Variants in CFAP52 observed in about 807,000 individuals in gnomAD.
The protein encoded by CFAP52 is cilia- and flagella-associated protein 52.
A neutral mutation model predicts 70.5 loss-of-function variants in CFAP52; 57 were observed. The ratio of observed to expected loss-of-function variants is 0.81; its 90% CI spans 0.65 to 1.01. The LOEUF (loss-of-function observed/expected upper bound fraction) is 1.01. CFAP52 is among the 50% of genes least tolerant of loss of function. CFAP52 has a pLI of 0.00. For missense variants in CFAP52, 785 were observed against 788.5 expected (o/e 1.00, Z 0.05); for synonymous variants, 267 against 292.5 (o/e 0.91, Z 0.89).
At chr17:9,581,324 G>T (rs1432234985) in intron 1 of CFAP52, among the ~76,000 whole-genome samples, 2 of 152,142 alleles carry the variant, frequency 1.3e-5, no homozygotes, top group Non-Finnish European at 2.9e-5. Flanking sequence ...TATGTTATGT[G>T]AATTTCACTC....
chr17:9,584,383 G>A (rs780464216), intron 1 of CFAP52: 3 of 1,268,750 alleles, frequency 2.4e-6, no homozygotes, highest in South Asian at 2.6e-5. Context: ...TGGGCACTCA[G>A]AACTGAAACC....
At chr17:9,643,451 C>T (rs923303085), downstream of CFAP52, 4 of 337,118 alleles carry the variant, frequency 1.2e-5, no homozygotes, top group Admixed American at 1.9e-4. Context: ...TGTTGGTTTT[C>T]TGTTATAATT....
At chr17:9,632,590 G>A (rs1369751964) in intron 9 of CFAP52, among the ~76,000 whole-genome samples, 1 of 151,958 alleles carries the variant, frequency 6.6e-6, no homozygotes, top group Non-Finnish European at 1.5e-5. Context: ...AGATTTGAAT[G>A]TTTTTTAACA....
intron 8 of CFAP52, among the ~76,000 whole-genome samples, chr17:9,627,794 C>T (rs1910295752): frequency 6.6e-6 from 1 of 152,188 alleles, no homozygotes; most frequent in Non-Finnish European, 1.5e-5. Flanking sequence ...GATCATAGCT[C>T]AATGCAGTCT....
chr17:9,584,387 T>C (rs1908354975), intron 1 of CFAP52: 1 of 1,266,596 alleles, frequency 7.9e-7, no homozygotes. Flanking sequence ...CACTCAGAAC[T>C]GAAACCGAAA....
chr17:9,636,179 AAAAGAAAGAAAGAAAGAAAGAAAG>A (rs60584008), intron 11 of CFAP52, among the ~76,000 whole-genome samples: 38 of 99,172 alleles, frequency 3.8e-4, no homozygotes, highest in South Asian at 1.1e-3. Context: ...TGTCTCAAAA[AAAAGAAAGAAAGAAAGAAAGAAAG>A]AAAGAAAGAA....
Position 9,635,410 on chromosome 17 carries a change from G to C in CFAP52, c.1326G>C (p.Arg442Ser). 1.2e-6 allele frequency: 2 copies of C among 1,613,982 alleles called. No homozygotes were observed. The highest frequency in any genetic ancestry group is 1.7e-6 in the Non-Finnish European group (2 of 1,180,034). Residue 442 changes from arginine to serine, a missense_variant, in exon 11 of 14, where the codon AGG becomes AGC. Physicochemically the swap from Arg to Ser is moderately radical, Grantham distance 110. Coordinates refer to ENST00000352665, the MANE Select transcript of CFAP52 (RefSeq NM_145054.5). ...CTGTGCTCTGTGGCTTTCAGGTGAGGGTATGGCAGATAGGCTGTCAGACCC... is the reference window on the plus strand; with the variant it reads ...CTGTGCTCTGTGGCTTTCAGGTGAGCGTATGGCAGATAGGCTGTCAGACCC... The part of the protein sequence containing the change: ...VISGGGEGEV[R>S]VWQIGCQTQK...
chr17:9,602,941 A>T (rs186547446), intron 6 of CFAP52, among the ~76,000 whole-genome samples: 8 of 152,256 alleles, frequency 5.3e-5, no homozygotes, highest in Admixed American at 3.9e-4. Flanking sequence ...TTCATATAGG[A>T]TAGGAATTCT....
intron 8 of CFAP52, among the ~76,000 whole-genome samples, chr17:9,614,754 T>A (rs543249020): frequency 3.3e-5 from 5 of 152,354 alleles, no homozygotes; most frequent in African/African-American, 9.6e-5. Context: ...TTTGGCAGCA[T>A]TCCTGGGCTC....
chr17:9,603,248 G>A (rs141358587), intron 6 of CFAP52, among the ~76,000 whole-genome samples: 3,732 of 152,096 alleles, frequency 0.025, 158 homozygotes, highest in African/African-American at 0.085. Flanking sequence ...TCGCTCTGTC[G>A]CCCAGGCTGG....
At chr17:9,633,469 T>A (rs941576818) in intron 10 of CFAP52, among the ~76,000 whole-genome samples, 1 of 152,060 alleles carries the variant, frequency 6.6e-6, no homozygotes, top group South Asian at 2.1e-4. Flanking sequence ...CCTCCCAAAG[T>A]GCTGGGATTA....
At chr17:9,636,606 AC>A in intron 11 of CFAP52, among the ~76,000 whole-genome samples, 1 of 151,516 alleles carries the variant, frequency 6.6e-6, no homozygotes, top group Admixed American at 6.6e-5. Context: ...TCACCCCTCT[AC>A]CCCTCCTACG....
Sources: allele counts gnomAD v4.1 joint callset (sites outside exome capture counted in the v4.1 genomes callset), GRCh38; gene constraint gnomAD v4.1.1; transcripts MANE v1.5; gene names NCBI Gene and HGNC (gene_info 2026-07-23, HGNC 2026-07-21).